The following THSD4 variants were observed in gnomAD, a reference collection of about 807,000 sequenced individuals.
THSD4 encodes thrombospondin type 1 domain containing 4, also known as thrombospondin type-1 domain-containing protein 4.
In THSD4, 69 loss-of-function variants were observed where a neutral mutation model predicts 119.0. The ratio of observed to expected loss-of-function variants is 0.58; its 90% confidence interval spans 0.48 to 0.71. The LOEUF (loss-of-function observed/expected upper bound fraction) is 0.71. THSD4 is among the 30% of genes least tolerant of loss of function. THSD4 has a pLI of 0.00. For synonymous variants in THSD4, 524 were observed against 540.4 expected (o/e 0.97, Z 0.42); for missense variants, 1,393 against 1,391.1 (o/e 1.00, Z -0.02).
chr15:71,539,758 A>G (rs1311277951), intron 7 of THSD4, among the ~76,000 whole-genome samples: 1 of 152,212 alleles, frequency 6.6e-6, no homozygotes, highest in Non-Finnish European at 1.5e-5. Context: ...TCATAAGCAG[A>G]TTAGAGTTTG....
chr15:71,756,957 T>C (rs1264198411), intron 14 of THSD4, among the ~76,000 whole-genome samples: 1 of 152,154 alleles, frequency 6.6e-6, no homozygotes, highest in African/African-American at 2.4e-5. Context: ...AATAGATATT[T>C]GGCTTTAAGT....
chr15:71,228,385 G>A (rs987375027), intron 4 of THSD4, among the ~76,000 whole-genome samples: 3 of 151,846 alleles, frequency 2.0e-5, no homozygotes, highest in African/African-American at 7.3e-5. Context: ...AAGGAGCATG[G>A]CCCTGCTGCC....
intron 7 of THSD4, among the ~76,000 whole-genome samples, chr15:71,600,704 A>C (rs1291569599): frequency 6.6e-6 from 1 of 151,594 alleles, no homozygotes; most frequent in East Asian, 1.9e-4. Context: ...GCATTATCTC[A>C]GTTAATACCC....
At chr15:71,443,797 A>G (rs2047143255) in intron 7 of THSD4, among the ~76,000 whole-genome samples, 1 of 152,256 alleles carries the variant, frequency 6.6e-6, no homozygotes, top group Admixed American at 6.5e-5. Flanking sequence ...TCTATATTGA[A>G]TGAAAGCACA....
intron 6 of THSD4, among the ~76,000 whole-genome samples, chr15:71,310,519 A>C (rs905230294): frequency 6.6e-6 from 1 of 152,222 alleles, no homozygotes; most frequent in Non-Finnish European, 1.5e-5. Flanking sequence ...CATGGTTGAC[A>C]AAAAGGATGT....
At chr15:71,248,262 C>T (rs1019600025) in intron 5 of THSD4, among the ~76,000 whole-genome samples, 3 of 152,162 alleles carry the variant, frequency 2.0e-5, no homozygotes, top group Non-Finnish European at 4.4e-5. Context: ...GCTTGGGGGG[C>T]AGAGTAATAC....
In THSD4 at chr15:71,318,067, G is replaced by A. The variant is rs144969885; in HGVS notation, c.1015+61352G>A. ...CAACACCCACCTACCAGTGGCTTTTGGGGGGCAGTAGGGAAGGGAGGAAGG... is the reference window on the plus strand; with the variant it reads ...CAACACCCACCTACCAGTGGCTTTTAGGGGGCAGTAGGGAAGGGAGGAAGG... On this transcript the variant is annotated intron_variant, in intron 6 of 17. Coordinates refer to ENST00000261862, the MANE Select transcript of THSD4 (RefSeq NM_024817.3). 6.2e-3 allele frequency among the ~76,000 whole-genome samples: 948 copies of A among 152,200 alleles called. 2 individuals carry two copies. The highest frequency in any genetic ancestry group is 9.2e-3 in the Non-Finnish European group (624 of 67,998).
intron 6 of THSD4, among the ~76,000 whole-genome samples, chr15:71,309,780 G>T (rs183227867): frequency 6.6e-6 from 1 of 152,178 alleles, no homozygotes; most frequent in Middle Eastern, 3.2e-3. Context: ...CTTGTTGACC[G>T]TATATGTATG....
chr15:71,112,437 G>T (rs1456246645), upstream of THSD4: 2 of 448,330 alleles, frequency 4.5e-6, no homozygotes, highest in Non-Finnish European at 7.5e-6. Context: ...CCCTTTAGGA[G>T]CTGCCTCTAG....
At chr15:71,685,265 G>T (rs2051883546) in intron 8 of THSD4, among the ~76,000 whole-genome samples, 1 of 150,288 alleles carries the variant, frequency 6.7e-6, no homozygotes, top group South Asian at 2.1e-4. Flanking sequence ...TTCTGTTTTT[G>T]CTGTTTTCTC....
intron 7 of THSD4, among the ~76,000 whole-genome samples, chr15:71,657,658 C>T (rs1007811224): frequency 4.6e-5 from 7 of 152,160 alleles, no homozygotes; most frequent in South Asian, 2.1e-4. Flanking sequence ...TCATGGCTCC[C>T]GGTAGACAGG....
chr15:71,437,028 C>T (rs1043985557), intron 7 of THSD4, among the ~76,000 whole-genome samples: 1 of 152,172 alleles, frequency 6.6e-6, no homozygotes, highest in Non-Finnish European at 1.5e-5. Flanking sequence ...GTTTATTTGG[C>T]TCATGGTTCT....
chr15:71,454,658 G>A (rs2047312688), intron 7 of THSD4, among the ~76,000 whole-genome samples: 1 of 152,224 alleles, frequency 6.6e-6, no homozygotes, highest in Non-Finnish European at 1.5e-5. Context: ...AATGTCCCAG[G>A]AAAAGCACAG....
intron 7 of THSD4, among the ~76,000 whole-genome samples, chr15:71,430,326 T>C (rs1018761113): frequency 6.6e-6 from 1 of 152,194 alleles, no homozygotes; most frequent in Non-Finnish European, 1.5e-5. Context: ...GACTAATTTG[T>C]TTGTAAAATA....
rs10656605 is a variant in THSD4 at position 71,294,923 on chromosome 15, T to TAAAA, written c.1015+38223_1015+38226dup. On this transcript the variant is annotated intron_variant, in intron 6 of 17. Transcript: ENST00000261862. ...TCTCAGTCTGCAGTTCTCACAGCTGTAAAAAAAAAAAAAAAAAATACAGTC... is the reference window on the plus strand; with the variant it reads ...TCTCAGTCTGCAGTTCTCACAGCTGTAAAAAAAAAAAAAAAAAAAAAATACAGTC... Among the ~76,000 whole-genome samples the TAAAA allele has an allele frequency of 3.6e-4, 50 of 138,172 alleles. 2 individuals carry two copies. The highest frequency in any genetic ancestry group is 3.4e-3 in the East Asian group (16 of 4,752). 90.6% of individuals were successfully genotyped at this position (138,172 alleles called of 152,430 possible). A position where few individuals can be genotyped will look rare whatever the true frequency, so the allele number is the denominator to read the frequency against.
chr15:71,351,214 G>A (rs1437109050), intron 6 of THSD4, among the ~76,000 whole-genome samples: 4 of 152,154 alleles, frequency 2.6e-5, no homozygotes, highest in African/African-American at 7.2e-5. Flanking sequence ...CACTGCAAGA[G>A]GTTTTAGAGA....
At chr15:71,251,919 G>A (rs2044264217) in intron 5 of THSD4, among the ~76,000 whole-genome samples, 1 of 152,150 alleles carries the variant, frequency 6.6e-6, no homozygotes. Flanking sequence ...TTTGGATAGG[G>A]CTCATATTGC....
intron 7 of THSD4, among the ~76,000 whole-genome samples, chr15:71,508,557 C>T (rs756786975): frequency 1.3e-5 from 2 of 152,016 alleles, no homozygotes; most frequent in Non-Finnish European, 2.9e-5. Context: ...GGGCCTGCGG[C>T]AGGGGGTGGG....
chr15:71,768,278 A>AAAAAAAAAAC (rs1160115227), intron 16 of THSD4, among the ~76,000 whole-genome samples: 1 of 150,354 alleles, frequency 6.7e-6, no homozygotes, highest in Non-Finnish European at 1.5e-5. Context: ...AAAAAAAACC[A>AAAAAAAAAAC]AAAAAAAACC....
Sources: allele counts gnomAD v4.1 joint callset (sites outside exome capture counted in the v4.1 genomes callset), GRCh38; gene constraint gnomAD v4.1.1; transcripts MANE v1.5; gene names NCBI Gene and HGNC (gene_info 2026-07-23, HGNC 2026-07-21).